PAK5: variants seen among roughly 807,000 people sequenced by gnomAD.
The protein encoded by PAK5 is p21 (RAC1) activated kinase 5, also known as serine/threonine-protein kinase PAK 5.
PAK5 carries 16 observed loss-of-function variants against 65.9 expected under a neutral mutation model. That is an observed-to-expected ratio of 0.24 (90% CI 0.16 to 0.37). The LOEUF (loss-of-function observed/expected upper bound fraction) is 0.37, where lower values mean the gene tolerates loss of function less well. Among genes scored for constraint, PAK5 ranks in the 10% least tolerant of loss-of-function variants. The probability of loss-of-function intolerance (pLI) is 1.00; values close to 1 mark genes in which losing one functional copy is unlikely to be tolerated. For missense variants in PAK5, 785 were observed against 903.9 expected (o/e 0.87, Z 1.69); for synonymous variants, 371 against 354.9 (o/e 1.05, Z -0.51).
At chr20:9,565,081 T>G (rs2122987824) in intron 5 of PAK5, among the ~76,000 whole-genome samples, 1 of 152,000 alleles carries the variant, frequency 6.6e-6, no homozygotes, top group Non-Finnish European at 1.5e-5. Flanking sequence ...ATAAGGCCAT[T>G]AAAATGGTCA....
chr20:9,559,449 A>T (rs1368526975), intron 6 of PAK5, among the ~76,000 whole-genome samples: 1 of 152,190 alleles, frequency 6.6e-6, no homozygotes, highest in Non-Finnish European at 1.5e-5. Context: ...GCCAATTAGG[A>T]GAATACCAAA....
chr20:9,558,916 T>A (rs2045552614), intron 6 of PAK5, among the ~76,000 whole-genome samples: 1 of 152,236 alleles, frequency 6.6e-6, no homozygotes, highest in South Asian at 2.1e-4. Flanking sequence ...GTCAGCTAAC[T>A]GCCCAAGGTT....
At chr20:9,740,256 G>A (rs1198751287) in intron 1 of PAK5, among the ~76,000 whole-genome samples, 1 of 152,160 alleles carries the variant, frequency 6.6e-6, no homozygotes. Flanking sequence ...GAGCCTGGCA[G>A]CAATGTGAAG....
intron 2 of PAK5, among the ~76,000 whole-genome samples, chr20:9,671,599 G>A (rs7354155): frequency 0.12 from 17,223 of 143,608 alleles, 1,480 homozygotes; most frequent in South Asian, 0.3. Context: ...GTATAAGAAT[G>A]CTTGTGATTT....
At chr20:9,757,190 A>G (rs1391579946) in intron 1 of PAK5, among the ~76,000 whole-genome samples, 1 of 151,926 alleles carries the variant, frequency 6.6e-6, no homozygotes, top group Non-Finnish European at 1.5e-5. Context: ...ATCCTTTCTC[A>G]GGGTCTACTT....
At chr20:9,562,028 C>T (rs1194255926) in intron 6 of PAK5, among the ~76,000 whole-genome samples, 1 of 152,182 alleles carries the variant, frequency 6.6e-6, no homozygotes, top group African/African-American at 2.4e-5. Flanking sequence ...TGTCCTAGCA[C>T]ATATTCTTTC....
intron 2 of PAK5, among the ~76,000 whole-genome samples, chr20:9,679,706 GA>G (rs2047623724): frequency 6.6e-6 from 1 of 152,188 alleles, no homozygotes. Context: ...CAATCTCTGA[GA>G]ATAATACGGT....
chr20:9,836,595 T>C (rs1979167860), intron 1 of PAK5, among the ~76,000 whole-genome samples: 1 of 152,178 alleles, frequency 6.6e-6, no homozygotes, highest in Non-Finnish European at 1.5e-5. Flanking sequence ...ACCTCTAGCC[T>C]CCAGAACCAT....
At position 9,633,381 on chromosome 20, in the gene PAK5, C is replaced by CTAAA. The variant is rs887771251; in HGVS notation, c.204+10740_204+10743dup. ...AGGGTGTCACTCCATTACCCTGTCT[C>CTAAA]TAAATAAATAAATAAATAACTGGGT... On this transcript the variant is annotated intron_variant, in intron 3 of 9. Coordinates refer to ENST00000353224, the MANE Select transcript of PAK5 (RefSeq NM_177990.4). Among the ~76,000 whole-genome samples, 12 of 151,942 alleles carry CTAAA rather than the reference C, an allele frequency of 7.9e-5. No individual in the cohort carries two copies. In the South Asian group the frequency reaches 1.5e-3, roughly 18 times the overall value.
chr20:9,580,322 C>G lies in PAK5; in HGVS notation c.813G>C (p.Ser271=), dbSNP rs773347572. The G allele has an allele frequency of 6.2e-7, 1 of 1,614,082 alleles. No individual in the cohort carries two copies. The highest frequency in any genetic ancestry group is 8.5e-7 in the Non-Finnish European group (1 of 1,180,022). ...LDDYDRRPKS[S]YLNQTSPQPT... ...GCTGAGGGCTTGTCTGATTCAGGTA[C>G]GAAGACTTTGGCCTCCTGTCATAGT... The change falls in exon 4 of 10, where the codon TCG becomes TCC. Residue 271 remains serine, a synonymous_variant. Coordinates refer to ENST00000353224, the MANE Select transcript of PAK5 (RefSeq NM_177990.4).
chr20:9,618,256 C>T (rs574302653), intron 3 of PAK5, among the ~76,000 whole-genome samples: 2 of 152,196 alleles, frequency 1.3e-5, no homozygotes, highest in South Asian at 4.1e-4. Context: ...AGGTACCCCC[C>T]CAAGTTTTAA....
intron 1 of PAK5, among the ~76,000 whole-genome samples, chr20:9,837,397 C>A (rs1979236260): frequency 6.6e-6 from 1 of 152,208 alleles, no homozygotes; most frequent in Non-Finnish European, 1.5e-5. Flanking sequence ...AGGAAACTGT[C>A]TCCAAACTTC....
intron 1 of PAK5, among the ~76,000 whole-genome samples, chr20:9,821,020 G>C (rs2049413883): frequency 6.6e-6 from 1 of 152,104 alleles, no homozygotes; most frequent in Non-Finnish European, 1.5e-5. Context: ...ACACTTTTCT[G>C]TTACTCCAAG....
chr20:9,772,009 G>T (rs2048839282), intron 1 of PAK5, among the ~76,000 whole-genome samples: 2 of 152,254 alleles, frequency 1.3e-5, no homozygotes, highest in South Asian at 4.2e-4. Flanking sequence ...CTGCATTCCA[G>T]CCTGGGTGAC....
chr20:9,628,007 AT>A (rs1353005896), intron 3 of PAK5, among the ~76,000 whole-genome samples: 1 of 152,220 alleles, frequency 6.6e-6, no homozygotes, highest in Non-Finnish European at 1.5e-5. Context: ...TCCAAATGGT[AT>A]TCCTAAAATG....
In PAK5 at chr20:9,562,958, C is replaced by T. The variant is rs1159424856; in HGVS notation, c.1549G>A (p.Asp517Asn). ...AACTCCATGACCACCCAGAGCTCATCGCCGACAAGGTAGCTGCTGTACATG... is the reference window on the plus strand; with the variant it reads ...AACTCCATGACCACCCAGAGCTCATTGCCGACAAGGTAGCTGCTGTACATG... The part of the protein sequence containing the change: ...VDMYSSYLVG[D>N]ELWVVMEFLE... Residue 517 changes from aspartate (D) to asparagine (N), a missense_variant, in exon 6 of 10, where the codon GAT becomes AAT. Coordinates refer to ENST00000353224, the MANE Select transcript of PAK5 (RefSeq NM_177990.4). 8 of 1,613,438 alleles carry T rather than the reference C, an allele frequency of 5.0e-6. No individual in the cohort carries two copies. The highest frequency in any genetic ancestry group is 4.5e-5 in the East Asian group (2 of 44,860).
At chr20:9,598,809 G>A (rs188773188) in intron 3 of PAK5, among the ~76,000 whole-genome samples, 5 of 152,072 alleles carry the variant, frequency 3.3e-5, no homozygotes, top group African/African-American at 4.8e-5. Flanking sequence ...GGGGCTGTAT[G>A]TTTTTTTCTT....
chr20:9,560,402 C>T (rs2122967380), intron 6 of PAK5, among the ~76,000 whole-genome samples: 1 of 152,274 alleles, frequency 6.6e-6, no homozygotes, highest in South Asian at 2.1e-4. Flanking sequence ...CTCTGTTGCC[C>T]AGGCTGGAGT....
Position 9,750,167 on chromosome 20 carries a change from C to T in PAK5, c.-161-38732G>A, listed in dbSNP as rs571345152. ...ATTCTACCAGAGGGAAATTACTACT[C>T]TCTTGGTGGCAGCAAATGTTTGCCT... is the stretch of plus-strand genomic sequence containing the variant. On this transcript the variant is annotated intron_variant, in intron 1 of 9. Transcript: ENST00000353224. Among the ~76,000 whole-genome samples, 6 of 152,168 alleles carry T rather than the reference C, an allele frequency of 3.9e-5. No homozygotes were observed. In the South Asian group the frequency reaches 8.3e-4, roughly 21 times the overall value.
Sources: gnomAD v4.1 joint callset for allele counts (sites outside exome capture counted in the v4.1 genomes callset) on GRCh38, gnomAD v4.1.1 for gene constraint, MANE v1.5 for transcripts, NCBI Gene and HGNC (gene_info 2026-07-23, HGNC 2026-07-21) for gene names.